LOC400499: variants seen among roughly 807,000 people sequenced by gnomAD.
the LOC400499 span, chr16:11,436,005 C>G: frequency 2.5e-6 from 1 of 397,630 alleles, no homozygotes; most frequent in Non-Finnish European, 4.4e-6. Flanking sequence ...TCATGGTAGA[C>G]AGCACACAAT....
chr16:11,404,271 C>G, the LOC400499 span, among the ~76,000 whole-genome samples: 1 of 152,196 alleles, frequency 6.6e-6, no homozygotes, highest in Non-Finnish European at 1.5e-5. Flanking sequence ...ATGCCTGTCT[C>G]CCTGAGGGGT....
chr16:11,469,982 A>G, the LOC400499 span, among the ~76,000 whole-genome samples: 9,198 of 152,222 alleles, frequency 0.06, 932 homozygotes, highest in African/African-American at 0.21. Context: ...GGCTCACTGC[A>G]GCCTCTGCCT....
At chr16:11,437,373 C>A in the LOC400499 span, among the ~76,000 whole-genome samples, 2 of 152,178 alleles carry the variant, frequency 1.3e-5, no homozygotes, top group Admixed American at 6.5e-5. Flanking sequence ...GCCTGAACAA[C>A]AGAGCAATAC....
the LOC400499 span, among the ~76,000 whole-genome samples, chr16:11,466,876 T>C: frequency 6.6e-6 from 1 of 152,198 alleles, no homozygotes; most frequent in East Asian, 1.9e-4. Flanking sequence ...TATCAGCGCA[T>C]GCTTGTCTGA....
the LOC400499 span, among the ~76,000 whole-genome samples, chr16:11,386,147 C>T: frequency 6.6e-6 from 1 of 152,344 alleles, no homozygotes; most frequent in South Asian, 2.1e-4. Context: ...CCCTCAAACA[C>T]AAGACTGGTG....
At chr16:11,501,691 T>C in the LOC400499 span, among the ~76,000 whole-genome samples, 1 of 151,818 alleles carries the variant, frequency 6.6e-6, no homozygotes, top group Non-Finnish European at 1.5e-5. Flanking sequence ...GTCTGGGTGG[T>C]GGAATGCCGG....
chr16:11,392,355 C>G, the LOC400499 span: 6 of 398,918 alleles, frequency 1.5e-5, no homozygotes, highest in Non-Finnish European at 2.2e-5. Context: ...CAGCCGCGCG[C>G]GGCCAGCAGG....
At chr16:11,461,502 T>C in the LOC400499 span, among the ~76,000 whole-genome samples, 1 of 152,158 alleles carries the variant, frequency 6.6e-6, no homozygotes, top group Non-Finnish European at 1.5e-5. Flanking sequence ...ATTTCAGGCG[T>C]GAGACACTGT....
At chr16:11,427,144 G>C in the LOC400499 span, among the ~76,000 whole-genome samples, 1 of 151,602 alleles carries the variant, frequency 6.6e-6, no homozygotes, top group Non-Finnish European at 1.5e-5. Flanking sequence ...GGTCACCTGA[G>C]CTCAGGAGTT....
chr16:11,415,106 A>G, the LOC400499 span, among the ~76,000 whole-genome samples: 2 of 152,136 alleles, frequency 1.3e-5, no homozygotes, highest in Non-Finnish European at 2.9e-5. Context: ...TCTGCTCCCC[A>G]CAAATGGCCA....
chr16:11,381,393 A>G, the LOC400499 span, among the ~76,000 whole-genome samples: 457 of 152,112 alleles, frequency 3.0e-3, no homozygotes, highest in African/African-American at 0.01. Flanking sequence ...GAGCCACCAC[A>G]CCTGCCCTAC....
the LOC400499 span, among the ~76,000 whole-genome samples, chr16:11,397,580 A>C: frequency 6.6e-6 from 1 of 152,226 alleles, no homozygotes; most frequent in East Asian, 1.9e-4. Flanking sequence ...GCTTGTAAAT[A>C]CTTTTACTGG....
At chr16:11,503,651 C>T in the LOC400499 span, among the ~76,000 whole-genome samples, 6 of 152,254 alleles carry the variant, frequency 3.9e-5, no homozygotes, top group African/African-American at 1.2e-4. Context: ...CTCAGCAAGA[C>T]GCAGCCTGCA....
chr16:11,502,619 T>G, the LOC400499 span, among the ~76,000 whole-genome samples: 7 of 147,810 alleles, frequency 4.7e-5, no homozygotes, highest in Non-Finnish European at 9.0e-5. Context: ...TACATACTCT[T>G]TTTTTTTTTT....
the LOC400499 span, among the ~76,000 whole-genome samples, chr16:11,378,302 C>T: frequency 7.9e-4 from 110 of 139,576 alleles, no homozygotes; most frequent in Admixed American, 2.7e-3. Flanking sequence ...CTAGCTGTGT[C>T]GCCCAGGCTG....
At chr16:11,493,578 C>G in the LOC400499 span, 1 of 394,652 alleles carries the variant, frequency 2.5e-6, no homozygotes, top group African/African-American at 2.1e-5. Context: ...AGTGAATTAG[C>G]AAACTGTGGT....
chr16:11,396,826 A>T, the LOC400499 span, among the ~76,000 whole-genome samples: 851 of 152,102 alleles, frequency 5.6e-3, 7 homozygotes, highest in Middle Eastern at 0.017. Context: ...AACGCAAATC[A>T]GATGCCGTCC....
chr16:11,410,084 C>T, the LOC400499 span, among the ~76,000 whole-genome samples: 8 of 152,174 alleles, frequency 5.3e-5, no homozygotes, highest in Admixed American at 4.6e-4. Flanking sequence ...TTTGAGGCTG[C>T]AGTGAGCTAT....
the LOC400499 span, among the ~76,000 whole-genome samples, chr16:11,505,437 TTTCTTTTC>T: frequency 3.5e-5 from 5 of 141,308 alleles, no homozygotes; most frequent in African/African-American, 1.0e-4. Context: ...TTTTTTAATT[TTTCTTTTC>T]TTTTTTTTTT....
Sources: gnomAD v4.1 joint callset for allele counts (sites outside exome capture counted in the v4.1 genomes callset) on GRCh38, gnomAD v4.1.1 for gene constraint, MANE v1.5 for transcripts.